Variants in CNTNAP5 observed in about 807,000 individuals in gnomAD.
CNTNAP5 encodes the protein contactin associated protein family member 5, also known as contactin-associated protein-like 5.
CNTNAP5 carries 72 observed loss-of-function variants against 150.2 expected under a neutral mutation model. The ratio of observed to expected loss-of-function variants is 0.48; its 90% CI spans 0.40 to 0.58. The LOEUF (loss-of-function observed/expected upper bound fraction) is 0.58. CNTNAP5 is among the 20% of genes least tolerant of loss of function. The pLI is 0.00. For synonymous variants in CNTNAP5, 672 were observed against 619.8 expected, an observed-to-expected ratio of 1.08 and a Z score of -1.25; for missense variants, 1,636 against 1,626.2, an observed-to-expected ratio of 1.01 and a Z score of -0.10.
chr2:124,311,341 T>G (rs1688825216), intron 3 of CNTNAP5, among the ~76,000 whole-genome samples: 1 of 152,188 alleles, frequency 6.6e-6, no homozygotes, highest in South Asian at 2.1e-4. Context: ...CCTCTCTTTC[T>G]AGCTTGCAGA....
At chr2:124,167,977 A>G (rs1318647114) in intron 1 of CNTNAP5, among the ~76,000 whole-genome samples, 3 of 152,136 alleles carry the variant, frequency 2.0e-5, no homozygotes. Context: ...TTTTATTCCA[A>G]TGCTTTTCAG....
chr2:124,434,444 A>T, intron 4 of CNTNAP5, 40 bp from the exon 5 acceptor site: 1 of 1,422,214 alleles, frequency 7.0e-7, no homozygotes, highest in Non-Finnish European at 1.0e-6. Context: ...TCATGAGAAT[A>T]TGCACTAATT....
At chr2:124,860,416 C>CTTCCTTCCTTCCTTCCTTCCTTCCTTCT (rs1677489724) in intron 19 of CNTNAP5, among the ~76,000 whole-genome samples, 2 of 80,200 alleles carry the variant, frequency 2.5e-5, no homozygotes, top group Non-Finnish European at 4.5e-5. Context: ...CCCTCTCTCC[C>CTTCCTTCCTTCCTTCCTTCCTTCCTTCT]TTCCTTCCTT....
intron 13 of CNTNAP5, among the ~76,000 whole-genome samples, chr2:124,663,924 G>C (rs1678644995): frequency 6.6e-6 from 1 of 152,138 alleles, no homozygotes; most frequent in Non-Finnish European, 1.5e-5. Context: ...AAGCTCAACA[G>C]GGATGAATTC....
intron 4 of CNTNAP5, among the ~76,000 whole-genome samples, chr2:124,430,419 A>G (rs937187379): frequency 6.6e-6 from 1 of 152,218 alleles, no homozygotes; most frequent in Non-Finnish European, 1.5e-5. Flanking sequence ...TGCAGGGCTT[A>G]TGATGTGGGC....
intron 1 of CNTNAP5, among the ~76,000 whole-genome samples, chr2:124,064,453 C>A (rs778219284): frequency 5.3e-5 from 8 of 152,062 alleles, no homozygotes; most frequent in Admixed American, 1.3e-4. Flanking sequence ...TTACCTGCTT[C>A]TCTCCATTTC....
chr2:124,888,346 A>G (rs1678123245), intron 21 of CNTNAP5, among the ~76,000 whole-genome samples: 1 of 152,084 alleles, frequency 6.6e-6, no homozygotes, highest in Non-Finnish European at 1.5e-5. Flanking sequence ...TCCATCCACC[A>G]TCGATGGACA....
At chr2:124,176,041 T>C (rs1413754002) in intron 1 of CNTNAP5, among the ~76,000 whole-genome samples, 1 of 152,204 alleles carries the variant, frequency 6.6e-6, no homozygotes, top group Non-Finnish European at 1.5e-5. Flanking sequence ...TTGGTAGTCC[T>C]TGTGGCTGAA....
chr2:124,450,519 A>G (rs1223205108), intron 6 of CNTNAP5, among the ~76,000 whole-genome samples: 1 of 146,722 alleles, frequency 6.8e-6, no homozygotes, highest in Non-Finnish European at 1.5e-5. Flanking sequence ...CTTCCTGCCC[A>G]GAAGGCAAAC....
intron 3 of CNTNAP5, among the ~76,000 whole-genome samples, chr2:124,292,363 A>G (rs541374840): frequency 1.8e-4 from 28 of 152,272 alleles, no homozygotes; most frequent in Non-Finnish European, 4.0e-4. Context: ...ACAAACAGGA[A>G]TATATTGAAG....
intron 13 of CNTNAP5, among the ~76,000 whole-genome samples, chr2:124,663,920 A>C (rs1205454605): frequency 6.6e-6 from 1 of 152,212 alleles, no homozygotes; most frequent in Non-Finnish European, 1.5e-5. Context: ...TAAGAAGCTC[A>C]ACAGGGATGA....
chr2:124,533,580 G>T (rs752911083), intron 10 of CNTNAP5, among the ~76,000 whole-genome samples: 3 of 152,106 alleles, frequency 2.0e-5, no homozygotes, highest in Non-Finnish European at 4.4e-5. Context: ...TACTCTTCTG[G>T]CCAGAGTCTC....
At chr2:124,553,269 C>T (rs868690567) in intron 10 of CNTNAP5, among the ~76,000 whole-genome samples, 11 of 152,014 alleles carry the variant, frequency 7.2e-5, no homozygotes, top group East Asian at 1.9e-4. Context: ...TTTGGGAGGC[C>T]GAGGCAGGCA....
intron 16 of CNTNAP5, among the ~76,000 whole-genome samples, chr2:124,768,273 G>GTA (rs1681110544): frequency 5.2e-5 from 1 of 19,286 alleles, no homozygotes; most frequent in Non-Finnish European, 8.1e-5. Flanking sequence ...CTGTATGTAT[G>GTA]TGTGTGTGTG....
intron 10 of CNTNAP5, among the ~76,000 whole-genome samples, chr2:124,530,697 A>T (rs141244076): frequency 9.9e-5 from 15 of 152,276 alleles, no homozygotes; most frequent in Non-Finnish European, 1.3e-4. Flanking sequence ...CATGGGCAGG[A>T]TGGGAGAAGG....
chr2:124,765,974 TA>T (rs34276676), intron 16 of CNTNAP5, among the ~76,000 whole-genome samples: 8,688 of 151,612 alleles, frequency 0.057, 286 homozygotes, highest in South Asian at 0.14. Flanking sequence ...AAAAATAGGT[TA>T]AAAAAAATAA....
chr2:124,124,209 G>C (rs1257337319), intron 1 of CNTNAP5, among the ~76,000 whole-genome samples: 1 of 152,114 alleles, frequency 6.6e-6, no homozygotes, highest in Non-Finnish European at 1.5e-5. Context: ...GTGTAGAGAA[G>C]ACCTTAAATG....
intron 3 of CNTNAP5, among the ~76,000 whole-genome samples, chr2:124,284,119 A>C (rs1035981519): frequency 1.3e-5 from 2 of 152,328 alleles, no homozygotes; most frequent in African/African-American, 4.8e-5. Flanking sequence ...TCTAAATGCC[A>C]TGCTGAGGGT....
chr2:124,171,522 A>G (rs1330029025), intron 1 of CNTNAP5, among the ~76,000 whole-genome samples: 1 of 152,150 alleles, frequency 6.6e-6, no homozygotes, highest in East Asian at 1.9e-4. Flanking sequence ...CCATCACCAG[A>G]GTCCTTGGGG....
Sources: gnomAD v4.1 joint callset for allele counts (sites outside exome capture counted in the v4.1 genomes callset) on GRCh38, gnomAD v4.1.1 for gene constraint, MANE v1.5 for transcripts, NCBI Gene and HGNC (gene_info 2026-07-23, HGNC 2026-07-21) for gene names.